Variants in DENND3 observed in about 807,000 individuals in gnomAD.
DENND3 encodes DENN domain-containing protein 3.
A neutral mutation model predicts 135.1 loss-of-function variants in DENND3; 88 were observed. The observed-to-expected ratio is 0.65, with a 90% CI of 0.55 to 0.78. The LOEUF is 0.78. DENND3 is among the 30% of genes least tolerant of loss of function. The pLI is 0.00. For synonymous variants in DENND3, 693 were observed against 712.3 expected (o/e 0.97, Z 0.43); for missense variants, 1,392 against 1,688.4 (o/e 0.82, Z 3.08).
intron 8 of DENND3, among the ~76,000 whole-genome samples, chr8:141,159,365 T>A (rs898290808): frequency 6.6e-6 from 1 of 151,892 alleles, no homozygotes; most frequent in African/African-American, 2.4e-5. Context: ...ACACTCCCAC[T>A]CCCCCTACCA....
chr8:141,179,597 C>T (rs1021132117), intron 16 of DENND3, among the ~76,000 whole-genome samples: 3 of 152,176 alleles, frequency 2.0e-5, no homozygotes, highest in African/African-American at 4.8e-5. Flanking sequence ...TCAGACTGTA[C>T]GGAATTAAAT....
In DENND3 at chr8:141,175,323, A is replaced by AGT; in HGVS notation, c.2408_2409dup (p.Lys804ValfsTer11). The AGT allele has an allele frequency of 1.2e-6, 2 of 1,614,144 alleles. No homozygotes were observed. Among genetic ancestry groups the AGT allele is most frequent in the Non-Finnish European group, 1.7e-6 (2 of 1,180,024 alleles). ...GTGATGGAACACCTGGATAAAAACG[A>AGT]GTGTGTGTGTAAGTTGTCCAGCTCC... On this transcript the variant is annotated frameshift_variant, in exon 14 of 23. Transcript: ENST00000519811. LOFTEE classifies it high-confidence loss of function. The surrounding 1 kb of genome is among the most constrained non-coding windows in gnomAD (Gnocchi z 5.4).
In DENND3 at chr8:141,136,600, A is replaced by G. The variant is rs753149073; in HGVS notation, c.194A>G (p.Asp65Gly). The G allele has an allele frequency of 1.9e-5, 30 of 1,596,746 alleles. No individual in the cohort carries two copies. The African/African-American group carries it at 2.7e-4, about 14-fold the overall frequency. The stretch of plus-strand genomic sequence containing the variant: ...GTGCCTCCTTTTATCAGTAAAGAGG[A>G]CAGTCAAATGGCCGGTGCCAACTGC... ...IFVPPFISKE[D>G]SQMAGANCGT... The change falls in exon 2 of 23, where the codon GAC becomes GGC. Residue 65 changes from aspartate to glycine, a missense_variant. Asp to Gly is a moderately conservative substitution (Grantham distance 94, BLOSUM62 -1). Coordinates refer to ENST00000519811, the MANE Select transcript of DENND3 (RefSeq NM_001352890.3).
chr8:141,191,028 T>A (rs1047131788), intron 20 of DENND3, among the ~76,000 whole-genome samples: 1 of 152,262 alleles, frequency 6.6e-6, no homozygotes. Flanking sequence ...GCTGGGAATA[T>A]GTTTTCTTTT....
At position 141,141,436 on chromosome 8, in the gene DENND3, T is replaced by G; in HGVS notation, c.623+112T>G. ...TGGTGGGGGGGCAGCTCTCTGTTCC[T>G]CTCCTGGTGAGCCGGGGGACCGGGC... is the stretch of plus-strand genomic sequence containing the variant. On this transcript the variant is annotated intron_variant, in intron 4 of 22. Coordinates refer to ENST00000519811, the MANE Select transcript of DENND3 (RefSeq NM_001352890.3). This position sits in a 1 kb window ranked among gnomAD's most constrained non-coding sequence, Gnocchi z 5.3. 8.2e-7 allele frequency: 1 copy of G among 1,218,184 alleles called. No individual in the cohort carries two copies. The highest frequency in any genetic ancestry group is 1.1e-6 in the Non-Finnish European group (1 of 888,914). 75.5% of individuals were successfully genotyped at this position (1,218,184 alleles called of 1,614,324 possible). A position where few individuals can be genotyped will look rare whatever the true frequency, so the allele number is the denominator to read the frequency against.
Position 141,175,699 on chromosome 8 carries a change from A to T in DENND3, c.2535+240A>T, listed in dbSNP as rs1822239901. 1.8e-6 allele frequency: 1 copy of T among 566,080 alleles called. No homozygotes were observed. Among genetic ancestry groups the T allele is most frequent in the African/African-American group, 1.9e-5 (1 of 53,354 alleles). The allele number at this position is 566,080 out of a possible 1,614,324, so 35.1% of individuals were successfully genotyped here. ...TGGAGCATGCTTAGAATGGTAACTG[A>T]TTCTCTGTCACAGCTGACTTGCATC... On this transcript the variant is annotated intron_variant, in intron 14 of 22. Coordinates refer to ENST00000519811, the MANE Select transcript of DENND3 (RefSeq NM_001352890.3). The surrounding 1 kb of genome is among the most constrained non-coding windows in gnomAD (Gnocchi z 5.4).
intron 5 of DENND3, chr8:141,150,417 T>A: frequency 1.1e-6 from 1 of 870,558 alleles, no homozygotes; most frequent in Non-Finnish European, 1.5e-6. Context: ...CTTTGACTAT[T>A]AAATTGTCAA....
rs987852535 is a variant in DENND3 at position 141,154,428 on chromosome 8, G to A, written c.1075-1421G>A. Among the ~76,000 whole-genome samples, 9 of 152,230 alleles carry A rather than the reference G, an allele frequency of 5.9e-5. No homozygotes were observed. The highest frequency in any genetic ancestry group is 2.2e-4 in the African/African-American group (9 of 41,472). ...GGCTGGGGAGCTGAGCCAACACAGT[G>A]GATGTTGGAGGTTGGTGGTGCCCTC... is the stretch of plus-strand genomic sequence containing the variant. On this transcript the variant is annotated intron_variant, in intron 7 of 22. Transcript: ENST00000519811. This position sits in a 1 kb window ranked among gnomAD's most constrained non-coding sequence, Gnocchi z 4.4.
chr8:141,153,126 C>T (rs1278117775), intron 7 of DENND3, among the ~76,000 whole-genome samples: 3 of 142,522 alleles, frequency 2.1e-5, no homozygotes, highest in African/African-American at 8.2e-5. Context: ...CAGAGTCTCG[C>T]TCTGTTGCCC....
Position 141,168,062 on chromosome 8 carries a change from G to A in DENND3, c.1812G>A (p.Pro604=), listed in dbSNP as rs750153427. ...TCAAGATTCCCGAAATCCACTTTCC[G>A]CTGGAGAGCAAGTGCGTGCAGGCAT... The part of the protein sequence containing the change: ...YTFKIPEIHF[P]LESKCVQAYH... Residue 604 remains proline (P), a synonymous_variant, in exon 13 of 23, where the codon CCG becomes CCA. Transcript: ENST00000519811. The surrounding 1 kb of genome is among the most constrained non-coding windows in gnomAD (Gnocchi z 6.2). 1.1e-5 allele frequency: 17 copies of A among 1,613,882 alleles called. No homozygotes were observed. In the Admixed American group the frequency reaches 2.0e-4, roughly 19 times the overall value.
chr8:141,141,404 C>T lies in DENND3; in HGVS notation c.623+80C>T. ...CCAGGTGAGCCAAGGGACCAGGGGG[C>T]TGGAGGTGGTGGGGGGGCAGCTCTC... is the stretch of plus-strand genomic sequence containing the variant. On this transcript the variant is annotated intron_variant, in intron 4 of 22. Transcript: ENST00000519811. This position sits in a 1 kb window ranked among gnomAD's most constrained non-coding sequence, Gnocchi z 5.3. 3.2e-6 allele frequency: 4 copies of T among 1,246,810 alleles called. No homozygotes were observed. Among genetic ancestry groups the T allele is most frequent in the South Asian group, 3.8e-5 (2 of 52,222 alleles). The allele number at this position is 1,246,810 out of a possible 1,614,324, so 77.2% of individuals were successfully genotyped here.
At chr8:141,169,544 T>C (rs1589652191) in intron 13 of DENND3, among the ~76,000 whole-genome samples, 2 of 152,234 alleles carry the variant, frequency 1.3e-5, no homozygotes, top group African/African-American at 4.8e-5. Flanking sequence ...GACTAACACC[T>C]GCTGCGTTTC....
At chr8:141,150,111 G>A (rs769103547) in intron 5 of DENND3, among the ~76,000 whole-genome samples, 19 of 152,124 alleles carry the variant, frequency 1.2e-4, no homozygotes, top group Admixed American at 3.9e-4. Context: ...CGTCCATTAC[G>A]CTCGTTTCCT....
At position 141,155,916 on chromosome 8, in the gene DENND3, A is replaced by G; in HGVS notation, c.1142A>G (p.Asp381Gly). ...GSITYSKSTD[D>G]NVDIPDVPLL... ...ATCACCTACTCCAAGTCCACGGACG[A>G]TAACGTGGACATTCCTGATGTCCCC... Residue 381 changes from aspartate (D) to glycine (G), a missense_variant, in exon 8 of 23, where the codon GAT becomes GGT. Asp to Gly is a moderately conservative substitution (Grantham distance 94). Coordinates refer to ENST00000519811, the MANE Select transcript of DENND3 (RefSeq NM_001352890.3). 2 of 1,613,050 alleles carry G rather than the reference A, an allele frequency of 1.2e-6. No homozygotes were observed. The highest frequency in any genetic ancestry group is 4.5e-5 in the East Asian group (2 of 44,814).
At chr8:141,145,824 TATATATATATATATATATATATATATGTA>T (rs1817986014) in intron 5 of DENND3, among the ~76,000 whole-genome samples, 37 of 40,356 alleles carry the variant, frequency 9.2e-4, no homozygotes, top group African/African-American at 2.4e-3. Context: ...TATATATATA[TATATATATATATATATATATATATATGTA>T]TTTTTTTTTT....
chr8:141,139,835 G>T lies in DENND3; in HGVS notation c.502-1368G>T, dbSNP rs1358663589. ...TTCCCAGCAGCTGTGTAGTTTCGGG[G>T]TATCCCCAGGTCCCACAGCACTCAT... On this transcript the variant is annotated intron_variant, in intron 3 of 22. Coordinates refer to ENST00000519811, the MANE Select transcript of DENND3 (RefSeq NM_001352890.3). This position sits in a 1 kb window ranked among gnomAD's most constrained non-coding sequence, Gnocchi z 4.2. Among the ~76,000 whole-genome samples the T allele has an allele frequency of 6.6e-6, 1 of 152,084 alleles. No individual in the cohort carries two copies. The highest frequency in any genetic ancestry group is 1.5e-5 in the Non-Finnish European group (1 of 68,016).
At chr8:141,155,702 C>T (rs368762248) in intron 7 of DENND3, 147 bp from the exon 8 acceptor site, 52 of 1,044,130 alleles carry the variant, frequency 5.0e-5, no homozygotes, top group African/African-American at 4.3e-4. Flanking sequence ...TCACTGCACC[C>T]GGCCTATGTG....
intron 20 of DENND3, 106 bp from the exon 21 acceptor site, chr8:141,192,225 C>T (rs1282184191): frequency 4.2e-6 from 6 of 1,439,300 alleles, no homozygotes; most frequent in South Asian, 1.3e-5. Flanking sequence ...ACGTGGTGAT[C>T]CCCCCCATCA....
At chr8:141,170,320 G>C (rs553840326) in intron 13 of DENND3, among the ~76,000 whole-genome samples, 1 of 152,136 alleles carries the variant, frequency 6.6e-6, no homozygotes, top group Non-Finnish European at 1.5e-5. Context: ...CTTGCTTATC[G>C]TGCCCGTGGG....
Sources: gnomAD v4.1 joint callset for allele counts (sites outside exome capture counted in the v4.1 genomes callset) on GRCh38, gnomAD v4.1.1 for gene constraint, Gnocchi (gnomAD v3.1) non-coding constraint, MANE v1.5 for transcripts, NCBI Gene and HGNC (gene_info 2026-07-23, HGNC 2026-07-21) for gene names.